Variants in PPP2R5C observed in about 807,000 individuals in gnomAD.
PPP2R5C encodes the protein serine/threonine-protein phosphatase 2A 56 kDa regulatory subunit gamma isoform.
A neutral mutation model predicts 68.9 loss-of-function variants in PPP2R5C; 7 were observed. The observed-to-expected ratio is 0.10, with a 90% confidence interval of 0.06 to 0.19. PPP2R5C has a LOEUF of 0.19. PPP2R5C is among the 10% of genes least tolerant of loss of function. The probability of loss-of-function intolerance (pLI) is 1.00; values close to 1 mark genes in which losing one functional copy is unlikely to be tolerated. For synonymous variants in PPP2R5C, 210 were observed against 222.2 expected, an observed-to-expected ratio of 0.95 and a Z score of 0.49; for missense variants, 348 against 641.3, an observed-to-expected ratio of 0.54 and a Z score of 4.94.
chr14:101,813,170 G>A (rs765548530), intron 1 of PPP2R5C, among the ~76,000 whole-genome samples: 3 of 152,216 alleles, frequency 2.0e-5, no homozygotes, highest in Non-Finnish European at 4.4e-5. Flanking sequence ...AGCTGAGAAA[G>A]TGAATTTTTA....
chr14:101,761,713 C>T (rs1458330698), upstream of PPP2R5C: 21 of 709,004 alleles, frequency 3.0e-5, 1 homozygote, highest in Middle Eastern at 7.2e-4. Flanking sequence ...GCCGCCGCCG[C>T]CGTGGCTGCC....
chr14:101,911,133 CCGGGTGTGGTGG>C (rs2046364134), intron 11 of PPP2R5C, among the ~76,000 whole-genome samples: 2 of 148,780 alleles, frequency 1.3e-5, no homozygotes, highest in Non-Finnish European at 3.0e-5. Context: ...AAAAAATCAG[CCGGGTGTGGTGG>C]CGGGTGCCTG....
intron 1 of PPP2R5C, among the ~76,000 whole-genome samples, chr14:101,821,909 T>C (rs1274644364): frequency 6.6e-6 from 1 of 152,160 alleles, no homozygotes; most frequent in Non-Finnish European, 1.5e-5. Flanking sequence ...AGGTCACTTA[T>C]GCTTCACCAA....
chr14:101,855,039 G>A (rs916741512), intron 1 of PPP2R5C, among the ~76,000 whole-genome samples: 1 of 152,042 alleles, frequency 6.6e-6, no homozygotes, highest in Non-Finnish European at 1.5e-5. Flanking sequence ...GTGTGGTGGC[G>A]CACATCTGTA....
intron 1 of PPP2R5C, among the ~76,000 whole-genome samples, chr14:101,812,700 T>G (rs1405061086): frequency 6.6e-6 from 1 of 152,184 alleles, no homozygotes; most frequent in African/African-American, 2.4e-5. Context: ...CTTGGGCTCA[T>G]TTATTAATCA....
In PPP2R5C at chr14:101,906,552, CT is replaced by C. The variant is rs755238296; in HGVS notation, c.1151+28del. The C allele has an allele frequency of 7.0e-6, 11 of 1,579,678 alleles. No individual in the cohort carries two copies. Among genetic ancestry groups the C allele is most frequent in the South Asian group, 1.2e-5 (1 of 85,402 alleles). Reference sequence around the variant, plus strand: ...CAAGTAAGAAAGAACTGGCTGCCATCTTTTTCAGTCATTTTAAAATATGGCA... The same window carrying C: ...CAAGTAAGAAAGAACTGGCTGCCATCTTTTCAGTCATTTTAAAATATGGCA... On this transcript the variant is annotated intron_variant, in intron 10 of 13. Coordinates refer to ENST00000334743, the Ensembl canonical transcript of PPP2R5C. The surrounding 1 kb of genome is among the most constrained non-coding windows in gnomAD (Gnocchi z 4.0).
intron 2 of PPP2R5C, among the ~76,000 whole-genome samples, chr14:101,769,507 A>G (rs574141609): frequency 6.6e-6 from 1 of 152,184 alleles, no homozygotes; most frequent in Admixed American, 6.5e-5. Flanking sequence ...ACAATAAAAA[A>G]CTTGTTTATT....
intron 2 of PPP2R5C, among the ~76,000 whole-genome samples, chr14:101,858,249 A>G (rs775563235): frequency 6.6e-6 from 1 of 152,214 alleles, no homozygotes; most frequent in Non-Finnish European, 1.5e-5. Context: ...GGCCCACTCT[A>G]GCCCCAGAAT....
At position 101,862,961 on chromosome 14, in the gene PPP2R5C, T is replaced by C. The variant is rs1194043420; in HGVS notation, c.294+6076T>C. Among the ~76,000 whole-genome samples the C allele has an allele frequency of 2.6e-5, 4 of 151,770 alleles. No individual in the cohort carries two copies. In the South Asian group the frequency reaches 6.2e-4, roughly 24 times the overall value. ...CCCCTGCCTCAGCCTCACAAGTAGCTGAGTCTACACTGCAAGTGTGCGCCA... is the reference window on the plus strand; with the variant it reads ...CCCCTGCCTCAGCCTCACAAGTAGCCGAGTCTACACTGCAAGTGTGCGCCA... On this transcript the variant is annotated intron_variant, in intron 2 of 13. Coordinates refer to ENST00000334743, the Ensembl canonical transcript of PPP2R5C.
intron 2 of PPP2R5C, among the ~76,000 whole-genome samples, chr14:101,773,854 C>T (rs1449646031): frequency 6.6e-6 from 1 of 152,182 alleles, no homozygotes; most frequent in Admixed American, 6.5e-5. Context: ...CCACCATGCT[C>T]AGCTGATATT....
chr14:101,910,268 G>C (rs2046307630), intron 11 of PPP2R5C, among the ~76,000 whole-genome samples: 2 of 152,298 alleles, frequency 1.3e-5, no homozygotes, highest in East Asian at 3.9e-4. Context: ...ATAGTTGTTG[G>C]AGGTCACTTC....
chr14:101,813,016 T>C (rs1831765727), intron 1 of PPP2R5C, among the ~76,000 whole-genome samples: 1 of 152,212 alleles, frequency 6.6e-6, no homozygotes. Context: ...CACCTGGAAC[T>C]TGATGGCTGT....
Position 101,775,853 on chromosome 14 carries a change from G to A in PPP2R5C, c.94-10165G>A, listed in dbSNP as rs117941685. 6.6e-5 allele frequency among the ~76,000 whole-genome samples: 10 copies of A among 151,434 alleles called. No homozygotes were observed. In the East Asian group the frequency reaches 1.9e-3, roughly 29 times the overall value. On this transcript the variant is annotated intron_variant, in intron 2 of 14. Coordinates refer to the PPP2R5C transcript ENST00000328724. Reference sequence around the variant, plus strand: ...ACACCCCCACCACCTCCTTCCCCCAGCCAGAGACTCCAGAATCCCAGATCC... The same window carrying A: ...ACACCCCCACCACCTCCTTCCCCCAACCAGAGACTCCAGAATCCCAGATCC...
Position 101,882,132 on chromosome 14 carries a change from A to G in PPP2R5C, c.295-29A>G. ...GTCTGTAAATATTTTAAATGCCCTG[A>G]TTGTAATTATAGAATATGTGGATTT... On this transcript the variant is annotated intron_variant, in intron 2 of 13. Coordinates refer to ENST00000334743, the Ensembl canonical transcript of PPP2R5C. The surrounding 1 kb of genome is among the most constrained non-coding windows in gnomAD (Gnocchi z 4.9). 1 of 1,507,662 alleles carries G rather than the reference A, an allele frequency of 6.6e-7. No homozygotes were observed. Among genetic ancestry groups the G allele is most frequent in the Non-Finnish European group, 9.1e-7 (1 of 1,104,578 alleles). 93.4% of individuals were successfully genotyped at this position (1,507,662 alleles called of 1,614,324 possible). A position where few individuals can be genotyped will look rare whatever the true frequency, so the allele number is the denominator to read the frequency against.
Position 101,803,182 on chromosome 14 carries a change from C to G in PPP2R5C, c.259+16999C>G, listed in dbSNP as rs201036507. 7 of 152,186 alleles carry G rather than the reference C, an allele frequency of 4.6e-5. No individual in the cohort carries two copies. In the East Asian group the frequency reaches 1.3e-3, roughly 29 times the overall value. The allele number at this position is 152,186 out of a possible 1,614,324, so 9.4% of individuals were successfully genotyped here. On this transcript the variant is annotated intron_variant, in intron 3 of 14. Coordinates refer to the PPP2R5C transcript ENST00000328724. ...CAAGATCATGCCACTACACTCCAGC[C>G]TGGGTGACAGAGCAAGACCCTCCCT... is the stretch of plus-strand genomic sequence containing the variant.
chr14:101,861,101 A>G (rs2140633026), intron 2 of PPP2R5C, among the ~76,000 whole-genome samples: 1 of 152,348 alleles, frequency 6.6e-6, no homozygotes, highest in South Asian at 2.1e-4. Flanking sequence ...CAATACCAGT[A>G]GCAAAACTAA....
At chr14:101,886,395 A>G (rs1332243111) in intron 5 of PPP2R5C, among the ~76,000 whole-genome samples, 4 of 152,240 alleles carry the variant, frequency 2.6e-5, no homozygotes, top group Non-Finnish European at 5.9e-5. Context: ...AGTTCTCACT[A>G]AAGGCTTGGT....
In PPP2R5C at chr14:101,797,306, C is replaced by T. The variant is rs766857711; in HGVS notation, c.259+11123C>T. 6.6e-6 allele frequency: 3 copies of T among 455,968 alleles called. No homozygotes were observed. Among genetic ancestry groups the T allele is most frequent in the Admixed American group, 2.3e-5 (1 of 42,558 alleles). 28.2% of individuals were successfully genotyped at this position (455,968 alleles called of 1,614,324 possible). On this transcript the variant is annotated intron_variant, in intron 3 of 14. Transcript: ENST00000328724. The surrounding 1 kb of genome is among the most constrained non-coding windows in gnomAD (Gnocchi z 4.2). Reference sequence around the variant, plus strand: ...GTGGACGGACACATTCCGCGTATCCCCCAATCAGTGGATGGACGCGTGGGT... The same window carrying T: ...GTGGACGGACACATTCCGCGTATCCTCCAATCAGTGGATGGACGCGTGGGT...
chr14:101,905,801 G>A (rs1275409318), intron 9 of PPP2R5C, among the ~76,000 whole-genome samples: 2 of 152,022 alleles, frequency 1.3e-5, no homozygotes, highest in East Asian at 1.9e-4. Context: ...AGCCAGCCCC[G>A]TGCTGACAAC....
Sources: allele counts gnomAD v4.1 joint callset (sites outside exome capture counted in the v4.1 genomes callset), GRCh38; gene constraint gnomAD v4.1.1; non-coding constraint Gnocchi (gnomAD v3.1); transcripts MANE v1.5; gene names NCBI Gene and HGNC (gene_info 2026-07-23, HGNC 2026-07-21).